Variants in GRID2 observed in about 807,000 individuals in gnomAD.
GRID2 encodes glutamate ionotropic receptor delta type subunit 2.
GRID2 carries 33 observed loss-of-function variants against 114.8 expected under a neutral mutation model. The ratio of observed to expected loss-of-function variants is 0.29; its 90% CI spans 0.22 to 0.38. GRID2 has a LOEUF of 0.38. Among genes scored for constraint, GRID2 ranks in the 10% least tolerant of loss-of-function variants. The pLI is 1.00. For missense variants in GRID2, 1,184 were observed against 1,257.7 expected (o/e 0.94, Z 0.89); for synonymous variants, 505 against 449.9 (o/e 1.12, Z -1.55).
chr4:93,416,434 A>G (rs1029051807), intron 9 of GRID2, among the ~76,000 whole-genome samples: 2 of 152,088 alleles, frequency 1.3e-5, no homozygotes, highest in Non-Finnish European at 2.9e-5. Flanking sequence ...GCCATTAAGA[A>G]ATAGTCTCTT....
chr4:93,212,277 G>A (rs980117090), intron 5 of GRID2, among the ~76,000 whole-genome samples: 2 of 151,946 alleles, frequency 1.3e-5, no homozygotes, highest in Non-Finnish European at 2.9e-5. Flanking sequence ...TTTAAAGGAG[G>A]GAATATAAAT....
intron 4 of GRID2, among the ~76,000 whole-genome samples, chr4:93,126,360 T>A (rs1734260888): frequency 6.6e-6 from 1 of 152,070 alleles, no homozygotes; most frequent in Non-Finnish European, 1.5e-5. Flanking sequence ...ATTGGCATAA[T>A]ACTTTAGAGA....
rs947920954 is a variant in GRID2, at chr4:92,473,029, T to C, written c.89-117102T>C. Among the ~76,000 whole-genome samples, 5 of 152,202 alleles carry C rather than the reference T, an allele frequency of 3.3e-5. No homozygotes were observed. In the South Asian group the frequency reaches 1.0e-3, roughly 31 times the overall value. On this transcript the variant is annotated intron_variant, in intron 1 of 15. Transcript: ENST00000282020. ...ATGCTTATTTCTAGACATTTCATAG[T>C]TTTAAGTTTAATGTTTAGCTCTGTG...
At chr4:93,602,942 G>A (rs770906664) in intron 13 of GRID2, among the ~76,000 whole-genome samples, 4 of 152,230 alleles carry the variant, frequency 2.6e-5, no homozygotes, top group Non-Finnish European at 4.4e-5. Context: ...GGGTGCAGTG[G>A]CTCACGCCTG....
chr4:93,455,730 A>C lies in GRID2; in HGVS notation c.1614A>C (p.Thr538=), dbSNP rs1580135157. 6.2e-7 allele frequency: 1 copy of C among 1,612,296 alleles called. No individual in the cohort carries two copies. The part of the protein sequence containing the change: ...PDRENVVDFT[T]RYMDYSVGVL... Reference sequence around the variant, plus strand: ...GTGAAAATGTGGTGGACTTTACGACACGTTACATGGACTACTCAGTGGGGG... The same window carrying C: ...GTGAAAATGTGGTGGACTTTACGACCCGTTACATGGACTACTCAGTGGGGG... The change falls in exon 11 of 16, where the codon ACA becomes ACC. Residue 538 remains threonine (T), a synonymous_variant. Transcript: ENST00000282020.
At chr4:92,430,006 C>T (rs1304948790) in intron 1 of GRID2, among the ~76,000 whole-genome samples, 5 of 152,120 alleles carry the variant, frequency 3.3e-5, no homozygotes, top group Admixed American at 1.3e-4. Flanking sequence ...GGTTATTAAT[C>T]TCTTGTCAGA....
At chr4:93,246,602 A>C (rs1748240634) in intron 8 of GRID2, among the ~76,000 whole-genome samples, 2 of 150,812 alleles carry the variant, frequency 1.3e-5, no homozygotes, top group African/African-American at 4.9e-5. Context: ...AAAAAAAAGA[A>C]AAAAAGAAAA....
chr4:92,765,080 T>A (rs1390100635), intron 2 of GRID2, among the ~76,000 whole-genome samples: 1 of 152,176 alleles, frequency 6.6e-6, no homozygotes, highest in African/African-American at 2.4e-5. Flanking sequence ...TTTTCAGGCC[T>A]AAATGATAGT....
chr4:92,403,014 C>T (rs750875513), intron 1 of GRID2, among the ~76,000 whole-genome samples: 51 of 152,276 alleles, frequency 3.3e-4, no homozygotes, highest in Non-Finnish European at 5.9e-4. Flanking sequence ...GCTGCTTCAT[C>T]TTGTAGTTTT....
At chr4:93,792,308 A>G (rs936126633) in intron 1 of GRID2, among the ~76,000 whole-genome samples, 12 of 152,194 alleles carry the variant, frequency 7.9e-5, no homozygotes, top group African/African-American at 2.9e-4. Flanking sequence ...AAGTGGTGCT[A>G]TGAGGCTAGT....
intron 1 of GRID2, among the ~76,000 whole-genome samples, chr4:92,359,623 C>T (rs973380724): frequency 6.6e-6 from 1 of 151,888 alleles, no homozygotes; most frequent in Non-Finnish European, 1.5e-5. Context: ...AGAGCATAGC[C>T]CCTCAACACT....
At chr4:93,516,879 A>T (rs1228777166) in intron 13 of GRID2, among the ~76,000 whole-genome samples, 2 of 152,108 alleles carry the variant, frequency 1.3e-5, no homozygotes, top group African/African-American at 2.4e-5. Flanking sequence ...TTTATAGTTC[A>T]TATTTCTATT....
chr4:93,214,305 A>T (rs1743930545), intron 5 of GRID2, among the ~76,000 whole-genome samples: 1 of 152,058 alleles, frequency 6.6e-6, no homozygotes, highest in African/African-American at 2.4e-5. Flanking sequence ...ACATTTTAAT[A>T]CACAAGTTTA....
intron 8 of GRID2, among the ~76,000 whole-genome samples, chr4:93,340,223 A>T (rs1015684284): frequency 1.4e-5 from 2 of 143,608 alleles, no homozygotes; most frequent in Non-Finnish European, 1.5e-5. Context: ...TGATAACTTC[A>T]ACCCATTATC....
At chr4:93,444,602 C>CA (rs543923301) in intron 10 of GRID2, among the ~76,000 whole-genome samples, 1 of 151,832 alleles carries the variant, frequency 6.6e-6, no homozygotes, top group East Asian at 1.9e-4. Context: ...AGGAAACATT[C>CA]AAAAAAGTCC....
intron 2 of GRID2, among the ~76,000 whole-genome samples, chr4:92,711,376 G>C (rs1010414227): frequency 6.6e-5 from 10 of 152,118 alleles, no homozygotes; most frequent in African/African-American, 1.9e-4. Flanking sequence ...GCTTGACTAA[G>C]AAAATATTTA....
In GRID2 at chr4:92,645,107, A is replaced by G. The variant is rs184885319; in HGVS notation, c.244+54821A>G. On this transcript the variant is annotated intron_variant, in intron 2 of 15. Transcript: ENST00000282020. Reference sequence around the variant, plus strand: ...ATTCAAACATTTCATTAGTATTTAAACTTTCAATCTTCCTGTAAGTTCTAT... The same window carrying G: ...ATTCAAACATTTCATTAGTATTTAAGCTTTCAATCTTCCTGTAAGTTCTAT... Among the ~76,000 whole-genome samples the G allele has an allele frequency of 2.0e-5, 3 of 151,776 alleles. No individual in the cohort carries two copies. In the East Asian group the frequency reaches 5.8e-4, roughly 29 times the overall value.
At chr4:92,672,572 A>T (rs1733126915) in intron 2 of GRID2, among the ~76,000 whole-genome samples, 1 of 152,132 alleles carries the variant, frequency 6.6e-6, no homozygotes, top group African/African-American at 2.4e-5. Context: ...TTCTAACTTA[A>T]TAAGAGTGTT....
chr4:92,955,804 G>A (rs1752363330), intron 2 of GRID2, among the ~76,000 whole-genome samples: 1 of 152,076 alleles, frequency 6.6e-6, no homozygotes, highest in Non-Finnish European at 1.5e-5. Flanking sequence ...TAAGGTGTAA[G>A]GAAGGGATCC....
Sources: gnomAD v4.1 joint callset for allele counts (sites outside exome capture counted in the v4.1 genomes callset) on GRCh38, gnomAD v4.1.1 for gene constraint, MANE v1.5 for transcripts, NCBI Gene and HGNC (gene_info 2026-07-23, HGNC 2026-07-21) for gene names.